The following FLNB variants were observed in gnomAD, a reference collection of about 807,000 sequenced individuals.
FLNB encodes filamin-B.
FLNB carries 111 observed loss-of-function variants against 250.6 expected under a neutral mutation model. The ratio of observed to expected loss-of-function variants is 0.44; its 90% confidence interval spans 0.38 to 0.52. The LOEUF (loss-of-function observed/expected upper bound fraction) is 0.52, where lower values mean the gene tolerates loss of function less well. Among genes scored for constraint, FLNB ranks in the 20% least tolerant of loss-of-function variants. The probability of loss-of-function intolerance (pLI) is 0.00; values close to 1 mark genes in which losing one functional copy is unlikely to be tolerated. For synonymous variants in FLNB, 1,302 were observed against 1,372.1 expected (o/e 0.95, Z 1.13); for missense variants, 2,869 against 3,447.8 (o/e 0.83, Z 4.20).
rs531600525 is a variant in FLNB, at chr3:58,032,081, A to G, written c.292+23225A>G. On this transcript the variant is annotated intron_variant, in intron 1 of 45. Coordinates refer to ENST00000295956, the MANE Select transcript of FLNB (RefSeq NM_001457.4). ...GTAGCTGGGATTACAGGTGTGTGCC[A>G]CCACACCTGACTAATTTTTCTTTTT... Among the ~76,000 whole-genome samples, 4 of 151,848 alleles carry G rather than the reference A, an allele frequency of 2.6e-5. No individual in the cohort carries two copies. In the East Asian group the frequency reaches 7.8e-4, roughly 30 times the overall value.
chr3:58,092,324 T>C (rs912409816), intron 4 of FLNB, among the ~76,000 whole-genome samples: 3 of 152,158 alleles, frequency 2.0e-5, no homozygotes, highest in African/African-American at 7.2e-5. Flanking sequence ...GTGTAGCTAC[T>C]TTGGAACACT....
intron 4 of FLNB, among the ~76,000 whole-genome samples, chr3:58,086,828 A>G (rs1452356359): frequency 2.0e-5 from 3 of 152,228 alleles, no homozygotes; most frequent in Non-Finnish European, 4.4e-5. Flanking sequence ...AAAAAAATTC[A>G]TGATAGCTGG....
chr3:58,021,947 TG>T (rs2097114726), intron 1 of FLNB, among the ~76,000 whole-genome samples: 1 of 152,092 alleles, frequency 6.6e-6, no homozygotes, highest in Non-Finnish European at 1.5e-5. Flanking sequence ...TGGCTAATTT[TG>T]TATTTTTTGT....
At chr3:58,031,470 C>T (rs991275728) in intron 1 of FLNB, among the ~76,000 whole-genome samples, 5 of 149,728 alleles carry the variant, frequency 3.3e-5, no homozygotes, top group Non-Finnish European at 4.4e-5. Context: ...TCTCAATCTG[C>T]TGACCTTGTG....
rs745932204 is a variant in FLNB at position 58,106,722 on chromosome 3, A to G, written c.1790A>G (p.Asn597Ser). The G allele has an allele frequency of 1.9e-6, 3 of 1,614,040 alleles. No individual in the cohort carries two copies. In the African/African-American group the frequency reaches 4.0e-5, roughly 22 times the overall value. Residue 597 changes from asparagine (N) to serine (S), a missense_variant, in exon 12 of 46, where the codon AAC becomes AGC. By Grantham distance (46) the Asn-to-Ser change is conservative. Around this residue, in one of 5 missense-constraint regions of FLNB, gnomAD observed 1,348 missense variants for 1,466.7 expected, o/e 0.92. Transcript: ENST00000295956. ...EGPSQAKIEY[N>S]DQNDGSCDVK... Reference sequence around the variant, plus strand: ...CCCTCTCAGGCAAAGATTGAGTACAACGACCAGAATGATGGATCGTGTGAT... The same window carrying G: ...CCCTCTCAGGCAAAGATTGAGTACAGCGACCAGAATGATGGATCGTGTGAT...
At chr3:58,025,014 CTTT>C (rs60873331) in intron 1 of FLNB, among the ~76,000 whole-genome samples, 320 of 134,854 alleles carry the variant, frequency 2.4e-3, no homozygotes, top group African/African-American at 5.0e-3. Context: ...CCCAGCCTTC[CTTT>C]TTTTTTTTTT....
intron 20 of FLNB, among the ~76,000 whole-genome samples, chr3:58,122,892 C>T (rs1218627310): frequency 9.2e-5 from 14 of 152,090 alleles, no homozygotes; most frequent in East Asian, 1.9e-4. Flanking sequence ...TGTGGGTTTT[C>T]GCTGGTGATT....
intron 1 of FLNB, among the ~76,000 whole-genome samples, chr3:58,024,717 TTTTTTTTTTTTA>T (rs1190210587): frequency 0.031 from 3,786 of 122,554 alleles, 249 homozygotes; most frequent in African/African-American, 0.13. Context: ...TTTTTTTTTT[TTTTTTTTTTTTA>T]ACCTTGAGAC....
At chr3:58,092,656 C>A (rs1176930724) in intron 4 of FLNB, among the ~76,000 whole-genome samples, 1 of 152,046 alleles carries the variant, frequency 6.6e-6, no homozygotes, top group Non-Finnish European at 1.5e-5. Flanking sequence ...AAAACAAAAA[C>A]AAAAACAAAA....
chr3:58,070,039 C>CTCTT (rs377565373), intron 1 of FLNB, among the ~76,000 whole-genome samples: 7,876 of 137,342 alleles, frequency 0.057, 789 homozygotes, highest in African/African-American at 0.21. Flanking sequence ...TTGTGCTTGA[C>CTCTT]TCTTTCTTTC....
At chr3:58,045,947 C>T (rs1478925595) in intron 1 of FLNB, among the ~76,000 whole-genome samples, 6 of 126,024 alleles carry the variant, frequency 4.8e-5, no homozygotes, top group Admixed American at 1.1e-4. Flanking sequence ...TTGCAGTGAG[C>T]AAGATCATAC....
At chr3:58,030,109 G>C (rs191174928) in intron 1 of FLNB, among the ~76,000 whole-genome samples, 1 of 152,192 alleles carries the variant, frequency 6.6e-6, no homozygotes, top group African/African-American at 2.4e-5. Context: ...TCAGGTTTCA[G>C]CTTTGTTAGA....
chr3:58,042,051 G>GT (rs1271053688), intron 1 of FLNB, among the ~76,000 whole-genome samples: 1 of 152,166 alleles, frequency 6.6e-6, no homozygotes, highest in African/African-American at 2.4e-5. Flanking sequence ...AAGTTTCTCA[G>GT]TTGACCCCAT....
chr3:58,132,956 C>A, intron 26 of FLNB, 25 bp downstream of exon 26: 1 of 1,602,876 alleles, frequency 6.2e-7, no homozygotes, highest in East Asian at 2.2e-5. Context: ...TCTGCCCATC[C>A]ATTCCTCCAT....
At position 58,103,140 on chromosome 3, in the gene FLNB, A is replaced by T. The variant is rs184216779; in HGVS notation, c.1483+800A>T. The stretch of plus-strand genomic sequence containing the variant: ...CTCCAGAAAGTTAATATTTGACTTC[A>T]CAGCACCAGGCTTTGGGTCAGGCTG... On this transcript the variant is annotated intron_variant, in intron 9 of 45. Coordinates refer to ENST00000295956, the MANE Select transcript of FLNB (RefSeq NM_001457.4). 1.7e-3 allele frequency among the ~76,000 whole-genome samples: 265 copies of T among 152,244 alleles called. 1 individual carries two copies. The highest frequency in any genetic ancestry group is 5.9e-3 in the African/African-American group (246 of 41,530).
chr3:58,161,188 G>A (rs1451260773), intron 42 of FLNB, among the ~76,000 whole-genome samples: 1 of 152,026 alleles, frequency 6.6e-6, no homozygotes, highest in Non-Finnish European at 1.5e-5. Flanking sequence ...TGGAGAGGAG[G>A]GACTTGAGGC....
At chr3:58,106,351 A>AATATATATATATATATATAT (rs1432468388) in intron 11 of FLNB, among the ~76,000 whole-genome samples, 1 of 73,740 alleles carries the variant, frequency 1.4e-5, no homozygotes, top group Non-Finnish European at 2.5e-5. Flanking sequence ...TGTATTTAAT[A>AATATATATATATATATATAT]CTATATATAT....
At position 58,106,898 on chromosome 3, in the gene FLNB, C is replaced by T. The variant is rs748550835; in HGVS notation, c.1941+25C>T. On this transcript the variant is annotated intron_variant, in intron 12 of 45. Coordinates refer to ENST00000295956, the MANE Select transcript of FLNB (RefSeq NM_001457.4). ...GGTGAATCAGCTGCTGTGCTTCTGT[C>T]TTCTTGTCCCTGGCCCCTGGTTCCT... 5.6e-6 allele frequency: 9 copies of T among 1,603,536 alleles called. No homozygotes were observed. The South Asian group carries it at 9.9e-5, about 18-fold the overall frequency.
At chr3:58,051,851 T>C (rs10048979) in intron 1 of FLNB, among the ~76,000 whole-genome samples, 8,639 of 151,740 alleles carry the variant, frequency 0.057, 781 homozygotes, top group African/African-American at 0.2. Flanking sequence ...TGTTGGAGAG[T>C]TGGGCTGGAT....
Sources: allele counts gnomAD v4.1 joint callset (sites outside exome capture counted in the v4.1 genomes callset), GRCh38; gene constraint gnomAD v4.1.1; regional missense constraint gnomAD v4.1.1; transcripts MANE v1.5; gene names NCBI Gene and HGNC (gene_info 2026-07-23, HGNC 2026-07-21).